Variants in SDK1 observed in about 807,000 individuals in gnomAD.
SDK1 encodes the protein sidekick cell adhesion molecule 1.
A neutral mutation model predicts 245.5 loss-of-function variants in SDK1; 157 were observed. That is an observed-to-expected ratio of 0.64 (90% CI 0.56 to 0.73). The LOEUF is 0.73. SDK1 is among the 30% of genes least tolerant of loss of function. The pLI is 0.00. For missense variants in SDK1, 3,583 were observed against 3,002.3 expected (o/e 1.19, Z -4.52); for synonymous variants, 1,647 against 1,278.5 (o/e 1.29, Z -6.15).
chr7:3,842,138 G>A (rs528925458), intron 5 of SDK1, among the ~76,000 whole-genome samples: 2 of 152,328 alleles, frequency 1.3e-5, no homozygotes, highest in Admixed American at 1.3e-4. Flanking sequence ...GTTCAATACT[G>A]TCCTTCCCAG....
chr7:4,019,079 T>G (rs1285860189), intron 17 of SDK1, among the ~76,000 whole-genome samples: 1 of 152,172 alleles, frequency 6.6e-6, no homozygotes, highest in Non-Finnish European at 1.5e-5. Flanking sequence ...CAGTGCCTTC[T>G]GTACAACAGG....
intron 5 of SDK1, among the ~76,000 whole-genome samples, chr7:3,931,425 T>C (rs537448477): frequency 6.6e-6 from 1 of 152,338 alleles, no homozygotes. Context: ...AATGACAGAC[T>C]CTGAGGTTCA....
In SDK1 at chr7:4,051,661, C is replaced by A. The variant is rs377278507; in HGVS notation, c.2742C>A (p.Ala914=). Residue 914 remains alanine (A), a synonymous_variant, in exon 19 of 45, where the codon GCC becomes GCA. Transcript: ENST00000404826. ...AGCTTCTGGCATGGCCGGCAGATGCCCCCGAGGCTGTCACTGTGGTCACTA... is the reference window on the plus strand; with the variant it reads ...AGCTTCTGGCATGGCCGGCAGATGCACCCGAGGCTGTCACTGTGGTCACTA... The part of the protein sequence containing the change: ...GYKLLAWPAD[A]PEAVTVVTIA... The A allele has an allele frequency of 8.7e-6, 14 of 1,612,182 alleles. No homozygotes were observed. Among genetic ancestry groups the A allele is most frequent in the Non-Finnish European group, 1.0e-5 (12 of 1,179,262 alleles).
intron 4 of SDK1, among the ~76,000 whole-genome samples, chr7:3,668,586 C>T (rs893261609): frequency 6.6e-6 from 1 of 152,048 alleles, no homozygotes; most frequent in Non-Finnish European, 1.5e-5. Context: ...CCAGCCTGGG[C>T]AAGAGACCAG....
chr7:3,647,470 G>A (rs1271900692), intron 4 of SDK1, among the ~76,000 whole-genome samples: 1 of 152,120 alleles, frequency 6.6e-6, no homozygotes, highest in Non-Finnish European at 1.5e-5. Flanking sequence ...TCCCATGCTG[G>A]AGTGAAGTTG....
At chr7:3,358,987 T>C (rs1277306583) in intron 1 of SDK1, among the ~76,000 whole-genome samples, 1 of 152,178 alleles carries the variant, frequency 6.6e-6, no homozygotes, top group African/African-American at 2.4e-5. Flanking sequence ...TGGTTTTTAG[T>C]CTGTTTTTCT....
At chr7:3,658,448 G>C (rs1002424072) in intron 4 of SDK1, among the ~76,000 whole-genome samples, 2 of 151,634 alleles carry the variant, frequency 1.3e-5, no homozygotes, top group Non-Finnish European at 2.9e-5. Context: ...TGCTGAGTGG[G>C]ATACAGCCAT....
intron 35 of SDK1, among the ~76,000 whole-genome samples, chr7:4,188,045 A>C (rs576429217): frequency 6.8e-4 from 104 of 152,190 alleles, no homozygotes; most frequent in Non-Finnish European, 6.6e-4. Flanking sequence ...AGACGTATTC[A>C]CTACCATGAG....
At chr7:3,604,969 A>T (rs1781374606) in intron 1 of SDK1, among the ~76,000 whole-genome samples, 1 of 151,736 alleles carries the variant, frequency 6.6e-6, no homozygotes, top group Non-Finnish European at 1.5e-5. Context: ...GTCTTTGGAG[A>T]TATTCCTGTT....
chr7:3,955,789 G>A lies in SDK1; in HGVS notation c.1151-3142G>A, dbSNP rs568572064. Among the ~76,000 whole-genome samples, 40 of 152,312 alleles carry A rather than the reference G, an allele frequency of 2.6e-4. 1 individual carries two copies. The highest frequency in any genetic ancestry group is 8.4e-4 in the African/African-American group (35 of 41,576). On this transcript the variant is annotated intron_variant, in intron 7 of 44. Transcript: ENST00000404826. ...TTGTTGGGGGGTCCTTCTCCACTGC[G>A]GTTGCCTCCATTGGGCCTGAGCCTG...
chr7:3,737,599 C>T (rs866788735), intron 4 of SDK1, among the ~76,000 whole-genome samples: 25 of 152,278 alleles, frequency 1.6e-4, no homozygotes, highest in African/African-American at 5.1e-4. Context: ...CCACTGGCTG[C>T]GCCTTCTGGT....
At chr7:3,994,816 A>G (rs942853839) in intron 14 of SDK1, among the ~76,000 whole-genome samples, 1 of 152,046 alleles carries the variant, frequency 6.6e-6, no homozygotes, top group Non-Finnish European at 1.5e-5. Flanking sequence ...GCTGTTGCCC[A>G]TCACTGTGAT....
chr7:3,582,139 CCTCAGGTAGGCCTGT>C (rs1562579524), intron 1 of SDK1, among the ~76,000 whole-genome samples: 5 of 144,832 alleles, frequency 3.5e-5, no homozygotes, highest in Non-Finnish European at 7.6e-5. Context: ...GGTAGGTCTC[CCTCAGGTAGGCCTGT>C]CTCAGGTAGG....
chr7:3,346,749 ATG>A (rs199510102), intron 1 of SDK1, among the ~76,000 whole-genome samples: 2,006 of 118,960 alleles, frequency 0.017, 80 homozygotes, highest in African/African-American at 0.061. Flanking sequence ...ACGTATATAT[ATG>A]TGTGTGTGTA....
intron 4 of SDK1, among the ~76,000 whole-genome samples, chr7:3,776,985 A>C (rs1445328154): frequency 6.6e-6 from 1 of 152,090 alleles, no homozygotes; most frequent in East Asian, 1.9e-4. Flanking sequence ...ACCCCCACAC[A>C]CACTTGCTCA....
chr7:4,138,629 C>G (rs1779252686), intron 28 of SDK1, among the ~76,000 whole-genome samples: 2 of 151,912 alleles, frequency 1.3e-5, no homozygotes, highest in South Asian at 2.1e-4. Context: ...CACCTGTAAT[C>G]CCACCTACTT....
intron 23 of SDK1, 58 bp from the exon 24 acceptor site, chr7:4,113,231 G>A (rs6956409): frequency 2.4e-5 from 37 of 1,572,148 alleles, no homozygotes; most frequent in Non-Finnish European, 2.9e-5. Flanking sequence ...TTGTGGTTTC[G>A]TTCTTTTCCT....
intron 1 of SDK1, among the ~76,000 whole-genome samples, chr7:3,424,357 C>G (rs1293678476): frequency 1.3e-5 from 2 of 152,152 alleles, no homozygotes; most frequent in African/African-American, 2.4e-5. Flanking sequence ...TTAGATAAAT[C>G]TTTTCTGTGG....
chr7:3,372,605 C>A (rs1411537870), intron 1 of SDK1, among the ~76,000 whole-genome samples: 8 of 152,054 alleles, frequency 5.3e-5, no homozygotes, highest in African/African-American at 1.9e-4. Flanking sequence ...CACTGGGCCC[C>A]CAAAATGAAC....
Sources: gnomAD v4.1 joint callset for allele counts (sites outside exome capture counted in the v4.1 genomes callset) on GRCh38, gnomAD v4.1.1 for gene constraint, MANE v1.5 for transcripts, NCBI Gene and HGNC (gene_info 2026-07-23, HGNC 2026-07-21) for gene names.